The following VIT variants were observed in gnomAD, a reference collection of about 807,000 sequenced individuals.
VIT encodes vitrin.
In VIT, 99 loss-of-function variants were observed where a neutral mutation model predicts 78.0. That is an observed-to-expected ratio of 1.27 (90% CI 1.08 to 1.50). The LOEUF (loss-of-function observed/expected upper bound fraction) is 1.50, where lower values mean the gene tolerates loss of function less well. Among genes scored for constraint, VIT ranks in the 40% most tolerant of loss-of-function variants. The probability of loss-of-function intolerance (pLI) is 0.00; values close to 1 mark genes in which losing one functional copy is unlikely to be tolerated. For synonymous variants in VIT, 374 were observed against 334.3 expected, an observed-to-expected ratio of 1.12 and a Z score of -1.29; for missense variants, 1,126 against 875.3, an observed-to-expected ratio of 1.29 and a Z score of -3.61.
At chr2:36,731,904 T>G (rs1667234943) in intron 3 of VIT, among the ~76,000 whole-genome samples, 1 of 152,266 alleles carries the variant, frequency 6.6e-6, no homozygotes, top group Admixed American at 6.5e-5. Flanking sequence ...AAGAAAGATT[T>G]GCTTCACACA....
chr2:36,706,675 G>A (rs1322648627), intron 1 of VIT, among the ~76,000 whole-genome samples: 2 of 151,986 alleles, frequency 1.3e-5, no homozygotes, highest in African/African-American at 2.4e-5. Flanking sequence ...TTCTTTTTTT[G>A]CTAGATCACA....
chr2:36,774,426 AC>A, intron 8 of VIT: 1 of 875,050 alleles, frequency 1.1e-6, no homozygotes, highest in Non-Finnish European at 1.4e-6. Context: ...GCAGGGTTTG[AC>A]GGTTTCCACA....
intron 15 of VIT, 55 bp from the exon 16 acceptor site, chr2:36,814,128 C>T (rs964853967): frequency 3.2e-6 from 5 of 1,583,456 alleles, no homozygotes; most frequent in Non-Finnish European, 4.3e-6. Context: ...GAGAGAGATT[C>T]TTTAGCAGCA....
chr2:36,774,428 G>T, intron 8 of VIT: 1 of 909,030 alleles, frequency 1.1e-6, no homozygotes, highest in Non-Finnish European at 1.3e-6. Flanking sequence ...AGGGTTTGAC[G>T]GTTTCCACAA....
intron 1 of VIT, among the ~76,000 whole-genome samples, chr2:36,697,816 A>T (rs1164999855): frequency 1.3e-5 from 2 of 152,250 alleles, no homozygotes; most frequent in African/African-American, 2.4e-5. Context: ...TTGTAAAAAT[A>T]AAAACAAGCA....
intron 12 of VIT, among the ~76,000 whole-genome samples, chr2:36,791,782 A>T (rs550416778): frequency 6.6e-6 from 1 of 152,238 alleles, no homozygotes; most frequent in Non-Finnish European, 1.5e-5. Flanking sequence ...GGTTTCAGCC[A>T]TGGAGACCCA....
intron 9 of VIT, among the ~76,000 whole-genome samples, chr2:36,778,890 C>A (rs1457488950): frequency 1.3e-5 from 2 of 152,176 alleles, no homozygotes; most frequent in Non-Finnish European, 2.9e-5. Context: ...AGACTACACC[C>A]CAGGGGAGTC....
rs369549309 is a variant in VIT at position 36,698,909 on chromosome 2, A to T, written c.-19+1936A>T. Among the ~76,000 whole-genome samples the T allele has an allele frequency of 4.5e-4, 69 of 151,960 alleles. 1 individual carries two copies. In the South Asian group the frequency reaches 0.014, roughly 30 times the overall value. Reference sequence around the variant, plus strand: ...CAGTGAGCTGAGATCACGCCACTACACTCCAGCCTGGGCAACAAAGTGAGA... The same window carrying T: ...CAGTGAGCTGAGATCACGCCACTACTCTCCAGCCTGGGCAACAAAGTGAGA... On this transcript the variant is annotated intron_variant, in intron 1 of 15. Coordinates refer to ENST00000379242, the MANE Select transcript of VIT (RefSeq NM_053276.4).
At position 36,697,100 on chromosome 2, in the gene VIT, G is replaced by C. The variant is rs147095774; in HGVS notation, c.-19+127G>C. ...GTAAGCAAATTTCAGTTTCAAGAGA[G>C]TTGAGATGAAAGTGGATGGTACTTG... On this transcript the variant is annotated intron_variant, in intron 1 of 15. Transcript: ENST00000379242. 401 of 151,902 alleles carry C rather than the reference G, an allele frequency of 2.6e-3. 1 individual carries two copies. The highest frequency in any genetic ancestry group is 9.2e-3 in the African/African-American group (380 of 41,432). 9.4% of individuals were successfully genotyped at this position (151,902 alleles called of 1,614,324 possible).
chr2:36,756,653 G>C lies in VIT; in HGVS notation c.409+1599G>C, dbSNP rs931214058. On this transcript the variant is annotated intron_variant, in intron 5 of 15. Transcript: ENST00000379242. Reference sequence around the variant, plus strand: ...CACGCCCACAGTTCAAATTAGACTGGTTTCTTTGTCAGATAGCGGAAGGGT... The same window carrying C: ...CACGCCCACAGTTCAAATTAGACTGCTTTCTTTGTCAGATAGCGGAAGGGT... Among the ~76,000 whole-genome samples the C allele has an allele frequency of 4.6e-5, 7 of 152,160 alleles. No homozygotes were observed. In the South Asian group the frequency reaches 1.5e-3, roughly 32 times the overall value.
intron 3 of VIT, among the ~76,000 whole-genome samples, chr2:36,730,070 C>T (rs1456644253): frequency 3.3e-5 from 5 of 151,880 alleles, no homozygotes; most frequent in Admixed American, 2.0e-4. Flanking sequence ...CTGAGGCGGG[C>T]GGATCACTTG....
At position 36,814,364 on chromosome 2, in the gene VIT, T is replaced by G; in HGVS notation, c.*3T>G. ...TCAACTCACAGCCTCGGAACTGAAT[T>G]CAGAGCAGGCAGAGCACCAGCAAGT... is the stretch of plus-strand genomic sequence containing the variant. On this transcript the variant is annotated 3_prime_UTR_variant, in exon 16 of 16. Transcript: ENST00000379242. The G allele has an allele frequency of 6.2e-7, 1 of 1,613,954 alleles. No homozygotes were observed. Among genetic ancestry groups the G allele is most frequent in the African/African-American group, 1.3e-5 (1 of 75,050 alleles).
chr2:36,793,452 C>G (rs1261483601), intron 12 of VIT, among the ~76,000 whole-genome samples: 2 of 152,122 alleles, frequency 1.3e-5, no homozygotes, highest in Non-Finnish European at 1.5e-5. Flanking sequence ...GACGCTGCAC[C>G]CTGGGCTGGT....
At chr2:36,775,143 C>G (rs1572517552) in intron 9 of VIT, 76 bp downstream of exon 9, 1 of 1,546,938 alleles carries the variant, frequency 6.5e-7, no homozygotes. Flanking sequence ...GAGGACCTCC[C>G]CACACACTTG....
chr2:36,703,757 C>T (rs1167995708), intron 1 of VIT, among the ~76,000 whole-genome samples: 5 of 152,036 alleles, frequency 3.3e-5, no homozygotes, highest in Non-Finnish European at 7.4e-5. Flanking sequence ...GGGATATTGG[C>T]ATCAAGGTAA....
At chr2:36,711,914 T>C (rs1665825590) in intron 1 of VIT, among the ~76,000 whole-genome samples, 1 of 152,242 alleles carries the variant, frequency 6.6e-6, no homozygotes, top group Admixed American at 6.5e-5. Flanking sequence ...TATTTGGGAT[T>C]CTTTATGTTA....
Position 36,779,108 on chromosome 2 carries a change from T to A in VIT, c.803-2619T>A, listed in dbSNP as rs72867887. 5.7e-3 allele frequency among the ~76,000 whole-genome samples: 868 copies of A among 152,306 alleles called. 10 individuals are homozygous for A. The highest frequency in any genetic ancestry group is 0.02 in the African/African-American group (829 of 41,572). On this transcript the variant is annotated intron_variant, in intron 9 of 15. Transcript: ENST00000379242. ...GGCCCTTTTGAAGACTTGACTACATTAGCATGAGTTGCAGGTGGCTGGGCC... is the reference window on the plus strand; with the variant it reads ...GGCCCTTTTGAAGACTTGACTACATAAGCATGAGTTGCAGGTGGCTGGGCC...
intron 4 of VIT, among the ~76,000 whole-genome samples, chr2:36,753,408 G>A (rs1478665096): frequency 6.6e-6 from 1 of 152,188 alleles, no homozygotes; most frequent in African/African-American, 2.4e-5. Context: ...AAAAGCAGGT[G>A]TCCGCGGCAC....
intron 1 of VIT, among the ~76,000 whole-genome samples, chr2:36,710,548 A>C (rs868720465): frequency 3.3e-5 from 5 of 151,100 alleles, no homozygotes; most frequent in Admixed American, 3.3e-4. Flanking sequence ...TGTCTCCAGG[A>C]CTCTCCACTC....
Sources: gnomAD v4.1 joint callset for allele counts (sites outside exome capture counted in the v4.1 genomes callset) on GRCh38, gnomAD v4.1.1 for gene constraint, MANE v1.5 for transcripts, NCBI Gene and HGNC (gene_info 2026-07-23, HGNC 2026-07-21) for gene names.